ZMYND8: variants seen among roughly 807,000 people sequenced by gnomAD.
ZMYND8 encodes the protein zinc finger MYND-type containing 8.
A neutral mutation model predicts 140.8 loss-of-function variants in ZMYND8; 37 were observed. The observed-to-expected ratio is 0.26, with a 90% confidence interval of 0.20 to 0.35. ZMYND8 has a LOEUF of 0.35. Among genes scored for constraint, ZMYND8 ranks in the 10% least tolerant of loss-of-function variants. The pLI, the probability that ZMYND8 is intolerant of heterozygous loss-of-function variation, is 1.00. For missense variants in ZMYND8, 1,068 were observed against 1,570.0 expected (o/e 0.68, Z 5.40); for synonymous variants, 592 against 597.1 (o/e 0.99, Z 0.12).
chr20:47,240,897 C>A (rs2147216444), intron 14 of ZMYND8, among the ~76,000 whole-genome samples: 1 of 152,194 alleles, frequency 6.6e-6, no homozygotes, highest in East Asian at 1.9e-4. Flanking sequence ...TGCTATATCA[C>A]CCCGGCTGGG....
intron 2 of ZMYND8, among the ~76,000 whole-genome samples, chr20:47,315,815 G>A (rs1466691393): frequency 6.6e-6 from 1 of 152,106 alleles, no homozygotes; most frequent in African/African-American, 2.4e-5. Context: ...CTGTGACCCC[G>A]CCCGGCTGGC....
chr20:47,351,013 T>C (rs2082735671), intron 1 of ZMYND8, among the ~76,000 whole-genome samples: 1 of 152,218 alleles, frequency 6.6e-6, no homozygotes, highest in African/African-American at 2.4e-5. Flanking sequence ...CACAAACTGA[T>C]ACATTTGAGG....
intron 21 of ZMYND8, among the ~76,000 whole-genome samples, chr20:47,217,116 T>C (rs754813980): frequency 1.8e-4 from 28 of 152,064 alleles, no homozygotes; most frequent in Admixed American, 3.9e-4. Context: ...CAGTACTCCA[T>C]GGAAATTAAG....
intron 15 of ZMYND8, chr20:47,237,706 C>T (rs2039424578): frequency 6.6e-6 from 1 of 152,250 alleles, no homozygotes; most frequent in Non-Finnish European, 1.5e-5. Context: ...ACCTTTCAAC[C>T]TCACATTCTG....
chr20:47,327,615 CACTGCACTT>C (rs1367411025), intron 2 of ZMYND8, among the ~76,000 whole-genome samples: 2 of 151,892 alleles, frequency 1.3e-5, no homozygotes, highest in African/African-American at 4.8e-5. Flanking sequence ...GAGTTTGTGC[CACTGCACTT>C]CAGCCTGCGC....
At chr20:47,270,716 AAAAG>A (rs1234710533) in intron 11 of ZMYND8, among the ~76,000 whole-genome samples, 5 of 139,260 alleles carry the variant, frequency 3.6e-5, no homozygotes, top group Admixed American at 7.5e-5. Context: ...AAAAAAAAAA[AAAAG>A]AAAGAAAGAA....
chr20:47,281,312 C>A (rs112139870), intron 10 of ZMYND8, among the ~76,000 whole-genome samples: 37 of 152,316 alleles, frequency 2.4e-4, no homozygotes, highest in Non-Finnish European at 5.0e-4. Flanking sequence ...TTTTCAGCTT[C>A]TGGACACTCT....
chr20:47,348,449 T>A (rs1040601242), intron 1 of ZMYND8: 1 of 174,328 alleles, frequency 5.7e-6, no homozygotes, highest in Non-Finnish European at 1.2e-5. Flanking sequence ...CAGAAAAATA[T>A]GCCCAGCTAG....
Position 47,310,212 on chromosome 20 carries a change from A to C in ZMYND8, c.86-8T>G, listed in dbSNP as rs779799422. ...TCTCTGCAGAGCCAGGATCTGAAAG[A>C]GATACAGGACCACAGGTTTTAAAGC... On this transcript the variant is annotated splice_region_variant and splice_polypyrimidine_tract_variant and intron_variant, in intron 2 of 22. Transcript: ENST00000471951. The C allele has an allele frequency of 1.3e-6, 2 of 1,597,496 alleles. No individual in the cohort carries two copies. The highest frequency in any genetic ancestry group is 2.3e-5 in the South Asian group (2 of 87,962).
intron 1 of ZMYND8, chr20:47,356,324 A>C: frequency 1.4e-5 from 19 of 1,357,516 alleles, no homozygotes; most frequent in East Asian, 7.2e-5. Flanking sequence ...GAGAGAGGGA[A>C]GAGGGAAAGA....
chr20:47,241,164 G>A (rs913518583), intron 14 of ZMYND8, among the ~76,000 whole-genome samples: 1 of 151,752 alleles, frequency 6.6e-6, no homozygotes, highest in Admixed American at 6.6e-5. Context: ...GCATGGTGGT[G>A]TGTGCCTATA....
At chr20:47,288,706 T>C (rs1034708855) in intron 7 of ZMYND8, among the ~76,000 whole-genome samples, 5 of 152,238 alleles carry the variant, frequency 3.3e-5, no homozygotes, top group African/African-American at 1.2e-4. Context: ...ACATTCTTAA[T>C]GCCTAGTGCC....
chr20:47,240,299 G>A (rs1601152589), intron 14 of ZMYND8, among the ~76,000 whole-genome samples: 1 of 152,020 alleles, frequency 6.6e-6, no homozygotes, highest in South Asian at 2.1e-4. Flanking sequence ...CGGATCACTT[G>A]TGGTCAGGAG....
At chr20:47,271,657 A>C (rs1014332014) in intron 11 of ZMYND8, among the ~76,000 whole-genome samples, 3 of 152,116 alleles carry the variant, frequency 2.0e-5, no homozygotes, top group Non-Finnish European at 4.4e-5. Context: ...TGGCTGTGAG[A>C]GGTGAGATTC....
At chr20:47,322,380 T>C (rs1378383040) in intron 2 of ZMYND8, among the ~76,000 whole-genome samples, 1 of 152,042 alleles carries the variant, frequency 6.6e-6, no homozygotes, top group Non-Finnish European at 1.5e-5. Context: ...TTCACAGCTA[T>C]TGTTTACTGA....
intron 1 of ZMYND8, chr20:47,351,696 A>C (rs1256597100): frequency 1.0e-6 from 1 of 985,338 alleles, no homozygotes; most frequent in Non-Finnish European, 1.2e-6. Flanking sequence ...GAGCAGCTTT[A>C]TATAAGCACT....
intron 3 of ZMYND8, among the ~76,000 whole-genome samples, chr20:47,307,034 T>C (rs182536832): frequency 1.3e-5 from 2 of 152,218 alleles, no homozygotes; most frequent in South Asian, 2.1e-4. Flanking sequence ...AATGCTTGTG[T>C]ACCTCCCAAA....
At chr20:47,313,358 C>G (rs1050187978) in intron 2 of ZMYND8, among the ~76,000 whole-genome samples, 2 of 152,128 alleles carry the variant, frequency 1.3e-5, no homozygotes, top group South Asian at 4.1e-4. Flanking sequence ...CGCAGTGGCT[C>G]ACGCCTGTAA....
At chr20:47,329,247 G>A (rs181352841) in intron 2 of ZMYND8, among the ~76,000 whole-genome samples, 135 of 152,264 alleles carry the variant, frequency 8.9e-4, no homozygotes, top group African/African-American at 2.9e-3. Context: ...CTAAGGCTAC[G>A]GAACAGTGTG....
Sources: gnomAD v4.1 joint callset for allele counts (sites outside exome capture counted in the v4.1 genomes callset) on GRCh38, gnomAD v4.1.1 for gene constraint, MANE v1.5 for transcripts, NCBI Gene and HGNC (gene_info 2026-07-23, HGNC 2026-07-21) for gene names.